The following TBCE variants were observed in gnomAD, a reference collection of about 807,000 sequenced individuals.
TBCE encodes the protein tubulin-specific chaperone E.
In TBCE, 53 loss-of-function variants were observed where a neutral mutation model predicts 77.0. That is an observed-to-expected ratio of 0.69 (90% CI 0.55 to 0.87). TBCE has a LOEUF of 0.87. Among genes scored for constraint, TBCE ranks in the 40% least tolerant of loss-of-function variants. The probability of loss-of-function intolerance (pLI) is 0.00; values close to 1 mark genes in which losing one functional copy is unlikely to be tolerated. For synonymous variants in TBCE, 235 were observed against 241.3 expected (o/e 0.97, Z 0.24); for missense variants, 624 against 622.4 (o/e 1.00, Z -0.03).
intron 2 of TBCE, among the ~76,000 whole-genome samples, chr1:235,385,635 G>A (rs1677953220): frequency 6.6e-6 from 1 of 152,038 alleles, no homozygotes; most frequent in South Asian, 2.1e-4. Context: ...GACTAGGATT[G>A]CAACCCCTGC....
At chr1:235,430,118 A>G (rs931598319) in intron 6 of TBCE, 2 of 154,936 alleles carry the variant, frequency 1.3e-5, no homozygotes, top group Admixed American at 6.4e-5. Flanking sequence ...CAAATAGAGC[A>G]AACGGGGGCA....
intron 2 of TBCE, among the ~76,000 whole-genome samples, chr1:235,383,219 C>G (rs1458909518): frequency 1.3e-5 from 2 of 150,512 alleles, no homozygotes; most frequent in East Asian, 3.9e-4. Context: ...GTTACTGTAG[C>G]CTTGTAGTAT....
chr1:235,440,357 TA>T (rs1263463482), intron 13 of TBCE, among the ~76,000 whole-genome samples: 2 of 152,010 alleles, frequency 1.3e-5, no homozygotes, highest in East Asian at 3.9e-4. Flanking sequence ...GTAGGAAGGG[TA>T]GGAAGCACTC....
intron 15 of TBCE, 112 bp from the exon 16 acceptor site, chr1:235,448,237 A>AAAAG: frequency 1.2e-6 from 1 of 841,280 alleles, no homozygotes; most frequent in African/African-American, 1.7e-5. Flanking sequence ...AAAAAAAAAA[A>AAAAG]AAAGACAGAT....
chr1:235,410,140 G>A (rs1486676743), intron 3 of TBCE, among the ~76,000 whole-genome samples: 2 of 143,504 alleles, frequency 1.4e-5, no homozygotes, highest in Admixed American at 6.7e-5. Context: ...GCTTCAACCC[G>A]GGAGGCTGAG....
intron 1 of TBCE, among the ~76,000 whole-genome samples, chr1:235,374,738 T>C (rs577633680): frequency 1.2e-4 from 17 of 144,110 alleles, no homozygotes; most frequent in Non-Finnish European, 2.3e-4. Context: ...TGACCTCAGG[T>C]GAGTCACCCA....
At chr1:235,368,599 C>T (rs10802646) in intron 1 of TBCE, among the ~76,000 whole-genome samples, 94,826 of 131,744 alleles carry the variant, frequency 0.72, 35,500 homozygotes, top group African/African-American at 0.93. Context: ...GCTCTGTCGC[C>T]CAAGGCTGGT....
At chr1:235,432,929 T>TA (rs749077343) in intron 7 of TBCE, 34,787 of 814,264 alleles carry the variant, frequency 0.043, 10 homozygotes, top group Non-Finnish European at 0.047. Flanking sequence ...TTTTTTTTTG[T>TA]AAAAAAAAAA....
Position 235,380,158 on chromosome 1 carries a change from TTATTGTGTGTG to T in TBCE, c.100+11_100+21del. ...TGTCCCTCCCGTGGCAGGTAAGCAATTATTGTGTGTGTGTGTGTGTGTGTGTGTGTGTGTGT... is the reference window on the plus strand; with the variant it reads ...TGTCCCTCCCGTGGCAGGTAAGCAATTGTGTGTGTGTGTGTGTGTGTGTGT... On this transcript the variant is annotated intron_variant, in intron 2 of 16. Transcript: ENST00000642610. The T allele has an allele frequency of 1.3e-6, 2 of 1,555,266 alleles. No homozygotes were observed. The highest frequency in any genetic ancestry group is 2.3e-5 in the East Asian group (1 of 43,344).
At chr1:235,392,464 G>A (rs1237872163) in intron 2 of TBCE, among the ~76,000 whole-genome samples, 1 of 144,310 alleles carries the variant, frequency 6.9e-6, no homozygotes. Context: ...AGGCTGGAGT[G>A]CAGTGGTGGG....
chr1:235,418,646 C>T (rs1680231918), intron 4 of TBCE: 1 of 152,320 alleles, frequency 6.6e-6, no homozygotes, highest in Non-Finnish European at 1.5e-5. Flanking sequence ...AGAGTATGTA[C>T]ATTCCTTGTG....
intron 2 of TBCE, 24 bp downstream of exon 2, chr1:235,380,173 G>A: frequency 5.1e-6 from 1 of 197,472 alleles, no homozygotes; most frequent in African/African-American, 2.9e-4. Context: ...GTGTGTGTGT[G>A]TGTGTGTGTG....
chr1:235,401,797 A>G (rs1272055284), intron 3 of TBCE, among the ~76,000 whole-genome samples: 17 of 133,186 alleles, frequency 1.3e-4, no homozygotes, highest in Non-Finnish European at 7.9e-5. Flanking sequence ...CTGACTCTTG[A>G]CCTTATGCAT....
At chr1:235,435,897 G>A in intron 9 of TBCE, 57 bp downstream of exon 9, 2 of 1,402,522 alleles carry the variant, frequency 1.4e-6, no homozygotes, top group Non-Finnish European at 2.0e-6. Context: ...TAGTGAAGCA[G>A]TTTTCATATG....
At position 235,441,842 on chromosome 1, in the gene TBCE, C is replaced by G; in HGVS notation, c.1299C>G (p.Leu433=). The change falls in exon 14 of 17, where the codon CTC becomes CTG. Residue 433 remains leucine (L), a synonymous_variant. Coordinates refer to ENST00000642610, the MANE Select transcript of TBCE (RefSeq NM_003193.5). ...ATGGTGCACCTGAAGATTGGGAACT[C>G]AAAACACAGCAACCACTTATGCTGA... ...LKYGAPEDWE[L]KTQQPLMLKN... is the part of the protein sequence containing the mutation. 2.5e-6 allele frequency: 4 copies of G among 1,613,988 alleles called. No individual in the cohort carries two copies. The highest frequency in any genetic ancestry group is 3.4e-6 in the Non-Finnish European group (4 of 1,179,992).
intron 1 of TBCE, among the ~76,000 whole-genome samples, chr1:235,368,552 CTTTTTTTTTTTT>C (rs757168655): frequency 2.0e-5 from 1 of 49,770 alleles, no homozygotes; most frequent in Non-Finnish European, 3.3e-5. Context: ...GGACAGCCTG[CTTTTTTTTTTTT>C]TTTTTTTTTT....
chr1:235,434,549 C>T (rs2172717), intron 8 of TBCE, among the ~76,000 whole-genome samples: 12 of 146,848 alleles, frequency 8.2e-5, no homozygotes, highest in South Asian at 4.2e-4. Context: ...TTTTCTTTTT[C>T]TTTTTTTGAG....
At chr1:235,391,711 G>T (rs1242664806) in intron 2 of TBCE, among the ~76,000 whole-genome samples, 2 of 146,842 alleles carry the variant, frequency 1.4e-5, no homozygotes, top group Non-Finnish European at 1.5e-5. Context: ...GGTTCAAGCG[G>T]TTCTCCTCCC....
chr1:235,443,739 C>T (rs1300351066), intron 15 of TBCE, among the ~76,000 whole-genome samples: 2 of 152,128 alleles, frequency 1.3e-5, no homozygotes, highest in Admixed American at 6.5e-5. Flanking sequence ...AAAAACAATT[C>T]GCAGATGCTC....
Sources: gnomAD v4.1 joint callset for allele counts (sites outside exome capture counted in the v4.1 genomes callset) on GRCh38, gnomAD v4.1.1 for gene constraint, MANE v1.5 for transcripts, NCBI Gene and HGNC (gene_info 2026-07-23, HGNC 2026-07-21) for gene names.